Variants in MMP8 observed in about 807,000 individuals in gnomAD.
MMP8 encodes neutrophil collagenase.
In MMP8, 67 loss-of-function variants were observed where a neutral mutation model predicts 51.2. The ratio of observed to expected loss-of-function variants is 1.31; its 90% CI spans 1.08 to 1.60. MMP8 has a LOEUF of 1.60. MMP8 is among the 40% of genes most tolerant of loss of function. MMP8 has a pLI of 0.00. For synonymous variants in MMP8, 225 were observed against 191.0 expected, an observed-to-expected ratio of 1.18 and a Z score of -1.47; for missense variants, 654 against 558.1, an observed-to-expected ratio of 1.17 and a Z score of -1.73.
At position 102,724,912 on chromosome 11, in the gene MMP8, C is replaced by T. The variant is rs552369616; in HGVS notation, c.-57G>A. The T allele has an allele frequency of 5.1e-6, 8 of 1,557,516 alleles. No homozygotes were observed. The highest frequency in any genetic ancestry group is 4.1e-5 in the African/African-American group (3 of 73,576). ...TTTCTTTCTGTCCCTCTGGGTAGGG[C>T]CCTTCCCTGGCGAGCACCCTGACGT... On this transcript the variant is annotated 5_prime_UTR_variant, in exon 1 of 10. Transcript: ENST00000236826.
intron 4 of MMP8, among the ~76,000 whole-genome samples, chr11:102,720,363 A>G (rs548273414): frequency 6.6e-6 from 1 of 152,310 alleles, no homozygotes; most frequent in East Asian, 1.9e-4. Flanking sequence ...TCGTTCAGGT[A>G]AGAGGTAATG....
In MMP8 at chr11:102,716,427, A is replaced by G. The variant is rs757473819; in HGVS notation, c.785-8T>C. The G allele has an allele frequency of 2.3e-4, 279 of 1,219,644 alleles. No individual in the cohort carries two copies. The East Asian group carries it at 5.8e-3, about 26-fold the overall frequency. 75.6% of individuals were successfully genotyped at this position (1,219,644 alleles called of 1,614,324 possible). A position where few individuals can be genotyped will look rare whatever the true frequency, so the allele number is the denominator to read the frequency against. The stretch of plus-strand genomic sequence containing the variant: ...TAGGGTTGCTTGAAAGTCCTGGAAA[A>G]AAAAAAAAAAAAAAAAAAAAGGTCT... On this transcript the variant is annotated splice_polypyrimidine_tract_variant and splice_region_variant and intron_variant, in intron 5 of 9. Coordinates refer to ENST00000236826, the MANE Select transcript of MMP8 (RefSeq NM_002424.3).
Position 102,722,556 on chromosome 11 carries a change from C to T in MMP8, c.220G>A (p.Val74Met), listed in dbSNP as rs746094724. Residue 74 changes from valine to methionine, a missense_variant, in exon 2 of 10, where the codon GTG (valine) becomes ATG (methionine). Physicochemically the swap from Val to Met is conservative, Grantham distance 21 (BLOSUM62 1). Transcript: ENST00000236826. ...KEMQRFFGLNVTGKPNEETLD... is the reference protein window; with the variant it reads ...KEMQRFFGLNMTGKPNEETLD... The stretch of plus-strand genomic sequence containing the variant: ...GTTTCCTCATTTGGCTTCCCCGTCA[C>T]ATTCAACCCAAAAAATCGCTGCATT... The T allele has an allele frequency of 1.2e-6, 2 of 1,613,964 alleles. No individual in the cohort carries two copies. Among genetic ancestry groups the T allele is most frequent in the East Asian group, 2.2e-5 (1 of 44,882 alleles).
intron 8 of MMP8, 85 bp from the exon 9 acceptor site, chr11:102,713,942 G>T: frequency 3.6e-6 from 3 of 823,794 alleles, no homozygotes; most frequent in Non-Finnish European, 5.7e-6. Flanking sequence ...AATTTACAAA[G>T]TCTCCTCACA....
At chr11:102,716,592 G>A (rs894362154) in intron 5 of MMP8, among the ~76,000 whole-genome samples, 173 bp from the exon 6 acceptor site, 1 of 152,110 alleles carries the variant, frequency 6.6e-6, no homozygotes, top group African/African-American at 2.4e-5. Flanking sequence ...TCCTTTTAAA[G>A]TTTTTGTTTC....
At position 102,714,556 on chromosome 11, in the gene MMP8, C is replaced by G. The variant is rs766614499; in HGVS notation, c.1190G>C (p.Arg397Thr). The G allele has an allele frequency of 8.2e-6, 12 of 1,456,558 alleles. No individual in the cohort carries two copies. Among genetic ancestry groups the G allele is most frequent in the Non-Finnish European group, 1.0e-5 (11 of 1,099,210 alleles). 90.2% of individuals were successfully genotyped at this position (1,456,558 alleles called of 1,614,324 possible). A position where few individuals can be genotyped will look rare whatever the true frequency, so the allele number is the denominator to read the frequency against. Reference protein sequence around the residue: ...TYFFVNDQFWRYDNQRQFMEP... With the variant: ...TYFFVNDQFWTYDNQRQFMEP... Reference sequence around the variant, plus strand: ...TAATTGAAAAAATAGTTTACGTTACCTCCAGAATTGGTCATTTACAAAGAA... The same window carrying G: ...TAATTGAAAAAATAGTTTACGTTACGTCCAGAATTGGTCATTTACAAAGAA... The change falls in exon 8 of 10, where the codon AGA becomes ACA. Residue 397 changes from arginine to threonine, a missense_variant and splice_region_variant. By Grantham distance (71) the Arg-to-Thr change is moderately conservative (BLOSUM62 -1). Coordinates refer to ENST00000236826, the MANE Select transcript of MMP8 (RefSeq NM_002424.3).
chr11:102,720,494 C>A (rs866004163), intron 4 of MMP8, among the ~76,000 whole-genome samples: 35 of 152,190 alleles, frequency 2.3e-4, no homozygotes, highest in African/African-American at 7.5e-4. Context: ...TCGTAACATA[C>A]CCATGTTGAG....
Position 102,712,980 on chromosome 11 carries a change from T to C in MMP8, c.*368A>G, listed in dbSNP as rs895745462. ...CTAGTTCTAAATTGCATGTAGAAGATATACATAGGACATTTTAAGAAACTG... is the reference window on the plus strand; with the variant it reads ...CTAGTTCTAAATTGCATGTAGAAGACATACATAGGACATTTTAAGAAACTG... On this transcript the variant is annotated 3_prime_UTR_variant, in exon 10 of 10. Coordinates refer to ENST00000236826, the MANE Select transcript of MMP8 (RefSeq NM_002424.3). 1 of 173,066 alleles carries C rather than the reference T, an allele frequency of 5.8e-6. No individual in the cohort carries two copies. Among genetic ancestry groups the C allele is most frequent in the Admixed American group, 6.0e-5 (1 of 16,592 alleles). The allele number at this position is 173,066 out of a possible 1,614,324, so 10.7% of individuals were successfully genotyped here.
At chr11:102,718,721 C>G (rs1025591207) in intron 4 of MMP8, 146 bp from the exon 5 acceptor site, 4 of 869,190 alleles carry the variant, frequency 4.6e-6, no homozygotes, top group Non-Finnish European at 7.0e-6. Flanking sequence ...CTTTCAGATA[C>G]CTGAGAAAGT....
chr11:102,720,722 C>T (rs910508703), intron 4 of MMP8, among the ~76,000 whole-genome samples: 5 of 152,122 alleles, frequency 3.3e-5, no homozygotes, highest in African/African-American at 1.2e-4. Flanking sequence ...AGAAGCATAC[C>T]ACTGAAGAAG....
rs751481811 is a variant in MMP8, at chr11:102,716,423, G to GAAAAAA, written c.785-10_785-5dup. On this transcript the variant is annotated splice_region_variant and splice_polypyrimidine_tract_variant and intron_variant, in intron 5 of 9. Coordinates refer to ENST00000236826, the MANE Select transcript of MMP8 (RefSeq NM_002424.3). Reference sequence around the variant, plus strand: ...TGGATAGGGTTGCTTGAAAGTCCTGGAAAAAAAAAAAAAAAAAAAAAAAAG... The same window carrying GAAAAAA: ...TGGATAGGGTTGCTTGAAAGTCCTGGAAAAAAAAAAAAAAAAAAAAAAAAAAAAAAG... The GAAAAAA allele has an allele frequency of 1.1e-4, 45 of 395,640 alleles. No individual in the cohort carries two copies. Among genetic ancestry groups the GAAAAAA allele is most frequent in the African/African-American group, 5.2e-4 (14 of 27,062 alleles). The allele number at this position is 395,640 out of a possible 1,614,324, so 24.5% of individuals were successfully genotyped here.
chr11:102,718,304 C>A (rs1861363094), intron 5 of MMP8, 110 bp downstream of exon 5: 1 of 1,160,724 alleles, frequency 8.6e-7, no homozygotes. Context: ...ATTCAGAGTT[C>A]AGTTTTATGG....
rs34143088 is a variant in MMP8 at position 102,723,982 on chromosome 11, G to A, written c.102+772C>T. The A allele has an allele frequency of 4.4e-3, 1,180 of 265,404 alleles. 22 individuals carry two copies. The highest frequency in any genetic ancestry group is 0.025 in the African/African-American group (1,105 of 44,848). The allele number at this position is 265,404 out of a possible 1,614,324, so 16.4% of individuals were successfully genotyped here. A position where few individuals can be genotyped will look rare whatever the true frequency, so the allele number is the denominator to read the frequency against. ...ATAATAATGCTCCAATAAGGTTCTTGTGAGGATTAAATGAGATATTTGTGA... is the reference window on the plus strand; with the variant it reads ...ATAATAATGCTCCAATAAGGTTCTTATGAGGATTAAATGAGATATTTGTGA... On this transcript the variant is annotated intron_variant, in intron 1 of 9. Transcript: ENST00000236826.
chr11:102,718,714 T>C (rs1174424221), intron 4 of MMP8, 139 bp from the exon 5 acceptor site: 1 of 913,194 alleles, frequency 1.1e-6, no homozygotes, highest in Non-Finnish European at 1.7e-6. Context: ...CATCTTTCTT[T>C]CAGATACCTG....
Position 102,716,238 on chromosome 11 carries a change from T to A in MMP8, c.902+64A>T. The A allele has an allele frequency of 4.2e-6, 5 of 1,178,328 alleles. No individual in the cohort carries two copies. In the South Asian group the frequency reaches 7.0e-5, roughly 16 times the overall value. The allele number at this position is 1,178,328 out of a possible 1,614,324, so 73.0% of individuals were successfully genotyped here. A position where few individuals can be genotyped will look rare whatever the true frequency, so the allele number is the denominator to read the frequency against. ...AAAGGTGACTAACGTGTGACTTAATTTGAATCCAGTTTTAAGGTATGTCAG... is the reference window on the plus strand; with the variant it reads ...AAAGGTGACTAACGTGTGACTTAATATGAATCCAGTTTTAAGGTATGTCAG... On this transcript the variant is annotated intron_variant, in intron 6 of 9. Coordinates refer to ENST00000236826, the MANE Select transcript of MMP8 (RefSeq NM_002424.3).
At chr11:102,715,560 G>A (rs1021794403) in intron 6 of MMP8, 123 bp from the exon 7 acceptor site, 112 of 1,294,542 alleles carry the variant, frequency 8.7e-5, no homozygotes, top group South Asian at 5.1e-4. Context: ...ACAATCGAAC[G>A]AATGCAAAGT....
Position 102,723,152 on chromosome 11 carries a change from G to T in MMP8, c.103-479C>A. On this transcript the variant is annotated intron_variant, in intron 1 of 9. Transcript: ENST00000236826. Reference sequence around the variant, plus strand: ...GATTCAGATTTTAACTCACCATGTTGCCTCTCAAATGAGAACTGATAATTT... The same window carrying T: ...GATTCAGATTTTAACTCACCATGTTTCCTCTCAAATGAGAACTGATAATTT... 7.9e-6 allele frequency: 6 copies of T among 760,098 alleles called. No individual in the cohort carries two copies. The South Asian group carries it at 8.7e-5, about 11-fold the overall frequency. 47.1% of individuals were successfully genotyped at this position (760,098 alleles called of 1,614,324 possible).
rs746868954 is a variant in MMP8 at position 102,713,103 on chromosome 11, G to A, written c.*245C>T. 3 of 372,982 alleles carry A rather than the reference G, an allele frequency of 8.0e-6. No homozygotes were observed. Among genetic ancestry groups the A allele is most frequent in the Non-Finnish European group, 9.7e-6 (2 of 206,024 alleles). 23.1% of individuals were successfully genotyped at this position (372,982 alleles called of 1,614,324 possible). On this transcript the variant is annotated 3_prime_UTR_variant, in exon 10 of 10. Coordinates refer to ENST00000236826, the MANE Select transcript of MMP8 (RefSeq NM_002424.3). ...TAGTAAATATTGAGGTGACAAAAAGGCTTACTTTCCTTCTCTTTGATGGAA... is the reference window on the plus strand; with the variant it reads ...TAGTAAATATTGAGGTGACAAAAAGACTTACTTTCCTTCTCTTTGATGGAA...
At chr11:102,716,165 G>A (rs1470846840) in intron 6 of MMP8, 137 bp downstream of exon 6, 1 of 607,936 alleles carries the variant, frequency 1.6e-6, no homozygotes, top group Admixed American at 2.9e-5. Flanking sequence ...TGGTGCCCCA[G>A]AACCTATAAA....
Sources: allele counts gnomAD v4.1 joint callset (sites outside exome capture counted in the v4.1 genomes callset), GRCh38; gene constraint gnomAD v4.1.1; transcripts MANE v1.5; gene names NCBI Gene and HGNC (gene_info 2026-07-23, HGNC 2026-07-21).